Variants in VAT1L observed in about 807,000 individuals in gnomAD.
VAT1L encodes the protein vesicle amine transport 1 like, also known as putative NADPH-dependent quinone oxidoreductase VAT1L.
A neutral mutation model predicts 44.1 loss-of-function variants in VAT1L; 34 were observed. That is an observed-to-expected ratio of 0.77 (90% CI 0.59 to 1.03). The LOEUF (loss-of-function observed/expected upper bound fraction) is 1.03, where lower values mean the gene tolerates loss of function less well. Ranked by LOEUF, VAT1L falls within the 50% of genes least tolerant of loss-of-function variation. The probability of loss-of-function intolerance (pLI) is 0.00; values close to 1 mark genes in which losing one functional copy is unlikely to be tolerated. For synonymous variants in VAT1L, 253 were observed against 202.2 expected, an observed-to-expected ratio of 1.25 and a Z score of -2.13; for missense variants, 615 against 538.8, an observed-to-expected ratio of 1.14 and a Z score of -1.40.
intron 1 of VAT1L, among the ~76,000 whole-genome samples, chr16:77,791,020 G>A (rs1483626576): frequency 6.6e-6 from 1 of 152,140 alleles, no homozygotes; most frequent in Non-Finnish European, 1.5e-5. Context: ...GGTACATTTG[G>A]AATACAGTGT....
At chr16:77,844,495 G>A (rs866565803) in intron 3 of VAT1L, among the ~76,000 whole-genome samples, 3 of 151,890 alleles carry the variant, frequency 2.0e-5, no homozygotes, top group Admixed American at 6.6e-5. Flanking sequence ...TGCAACCTCC[G>A]CCTCCCAGGT....
At chr16:77,883,083 C>G (rs2017171835) in intron 6 of VAT1L, among the ~76,000 whole-genome samples, 1 of 152,016 alleles carries the variant, frequency 6.6e-6, no homozygotes, top group Admixed American at 6.5e-5. Context: ...ACGAGCTTCC[C>G]AATTAAAAAA....
intron 7 of VAT1L, among the ~76,000 whole-genome samples, chr16:77,943,283 C>T (rs2017913580): frequency 6.6e-6 from 1 of 151,706 alleles, no homozygotes; most frequent in African/African-American, 2.4e-5. Context: ...TCTCAAGCTC[C>T]TGACCTCAGG....
chr16:77,871,121 T>G (rs1415033261), intron 4 of VAT1L, among the ~76,000 whole-genome samples: 1 of 152,194 alleles, frequency 6.6e-6, no homozygotes, highest in Non-Finnish European at 1.5e-5. Context: ...GAGCAATAGC[T>G]GCTGGAATGG....
chr16:77,963,322 G>C (rs566840740), intron 7 of VAT1L, among the ~76,000 whole-genome samples: 48 of 152,298 alleles, frequency 3.2e-4, no homozygotes, highest in African/African-American at 1.1e-3. Context: ...GAGAGTCAGA[G>C]AGATTTGAAG....
intron 4 of VAT1L, among the ~76,000 whole-genome samples, chr16:77,866,372 A>C (rs972992778): frequency 5.9e-5 from 9 of 152,308 alleles, no homozygotes; most frequent in African/African-American, 2.2e-4. Flanking sequence ...GATAATTATG[A>C]AGACAGCCAC....
intron 5 of VAT1L, among the ~76,000 whole-genome samples, chr16:77,877,484 G>C (rs1597078884): frequency 7.8e-6 from 1 of 128,952 alleles, no homozygotes; most frequent in Admixed American, 9.0e-5. Context: ...GTGCACTCTA[G>C]CCTGGGCGAC....
chr16:77,936,945 C>G (rs1161176989), intron 7 of VAT1L, among the ~76,000 whole-genome samples: 1 of 152,148 alleles, frequency 6.6e-6, no homozygotes, highest in African/African-American at 2.4e-5. Context: ...AGTGCAATGG[C>G]ACATTCTTGG....
intron 8 of VAT1L, among the ~76,000 whole-genome samples, chr16:77,972,486 T>C (rs1364638925): frequency 6.6e-6 from 1 of 151,992 alleles, no homozygotes; most frequent in Non-Finnish European, 1.5e-5. Context: ...CCCAGCTAAT[T>C]ATAATTATTA....
chr16:77,797,309 C>T (rs748954961), intron 1 of VAT1L, among the ~76,000 whole-genome samples: 2 of 152,058 alleles, frequency 1.3e-5, no homozygotes, highest in Non-Finnish European at 2.9e-5. Context: ...ACAGATTTCA[C>T]CATGTTGGCC....
chr16:77,859,969 T>C (rs117978207), intron 3 of VAT1L, among the ~76,000 whole-genome samples: 4,437 of 152,216 alleles, frequency 0.029, 126 homozygotes, highest in Middle Eastern at 0.088. Flanking sequence ...TCGAGTTAAA[T>C]TGAGGTCACT....
intron 7 of VAT1L, among the ~76,000 whole-genome samples, chr16:77,954,194 C>T (rs987928115): frequency 6.6e-6 from 1 of 152,164 alleles, no homozygotes; most frequent in African/African-American, 2.4e-5. Context: ...TTGATACTTG[C>T]GCAGAACCAA....
intron 7 of VAT1L, among the ~76,000 whole-genome samples, chr16:77,960,343 C>A (rs2018148072): frequency 6.6e-6 from 1 of 152,122 alleles, no homozygotes; most frequent in Non-Finnish European, 1.5e-5. Flanking sequence ...AAGCAGCACA[C>A]TTAGCTGGGG....
intron 2 of VAT1L, among the ~76,000 whole-genome samples, chr16:77,819,378 CTTTTT>C (rs201044786): frequency 6.7e-6 from 1 of 150,044 alleles, no homozygotes; most frequent in Admixed American, 6.7e-5. Context: ...TTTCTTTTTT[CTTTTT>C]TTTTTCTTTT....
At chr16:77,864,947 C>A (rs2016956158) in intron 4 of VAT1L, among the ~76,000 whole-genome samples, 1 of 148,216 alleles carries the variant, frequency 6.7e-6, no homozygotes, top group Non-Finnish European at 1.5e-5. Flanking sequence ...TTCCATAGCT[C>A]TCAGGTAATT....
chr16:77,955,195 T>C (rs1271592868), intron 7 of VAT1L, among the ~76,000 whole-genome samples: 4 of 152,106 alleles, frequency 2.6e-5, no homozygotes. Context: ...AGGGGAGAGA[T>C]ATAGAAAAAG....
At chr16:77,845,394 C>T (rs889764136) in intron 3 of VAT1L, among the ~76,000 whole-genome samples, 2 of 152,148 alleles carry the variant, frequency 1.3e-5, no homozygotes, top group African/African-American at 4.8e-5. Context: ...TGTTCTATGT[C>T]ACCTCTCAGA....
intron 7 of VAT1L, among the ~76,000 whole-genome samples, chr16:77,962,264 C>G (rs2018167767): frequency 6.6e-6 from 1 of 152,124 alleles, no homozygotes; most frequent in Non-Finnish European, 1.5e-5. Flanking sequence ...GGGAAAAAGT[C>G]CTCATGTGGT....
At chr16:77,910,296 T>C (rs1597094410) in intron 7 of VAT1L, among the ~76,000 whole-genome samples, 1 of 152,074 alleles carries the variant, frequency 6.6e-6, no homozygotes, top group South Asian at 2.1e-4. Context: ...CAGTTAAAGC[T>C]AAAAAACGAG....
Sources: gnomAD v4.1 joint callset for allele counts (sites outside exome capture counted in the v4.1 genomes callset) on GRCh38, gnomAD v4.1.1 for gene constraint, MANE v1.5 for transcripts, NCBI Gene and HGNC (gene_info 2026-07-23, HGNC 2026-07-21) for gene names.